VIT: variants seen among roughly 807,000 people sequenced by gnomAD.
VIT encodes vitrin.
In VIT, 99 loss-of-function variants were observed where a neutral mutation model predicts 78.0. That is an observed-to-expected ratio of 1.27 (90% CI 1.08 to 1.50). VIT has a LOEUF of 1.50. VIT is among the 40% of genes most tolerant of loss of function. The probability of loss-of-function intolerance (pLI) is 0.00; values close to 1 mark genes in which losing one functional copy is unlikely to be tolerated. For synonymous variants in VIT, 374 were observed against 334.3 expected, an observed-to-expected ratio of 1.12 and a Z score of -1.29; for missense variants, 1,126 against 875.3, an observed-to-expected ratio of 1.29 and a Z score of -3.61.
chr2:36,735,144 G>C (rs1667437033), intron 3 of VIT, among the ~76,000 whole-genome samples: 1 of 152,008 alleles, frequency 6.6e-6, no homozygotes, highest in Non-Finnish European at 1.5e-5. Context: ...CGGGGCAACA[G>C]AGCGAGACTC....
intron 4 of VIT, among the ~76,000 whole-genome samples, chr2:36,753,767 A>G (rs1352934929): frequency 1.3e-5 from 2 of 152,208 alleles, no homozygotes; most frequent in African/African-American, 4.8e-5. Context: ...AGGGAACTCA[A>G]TCACAGGGAG....
rs781171726 is a variant in VIT at position 36,808,902 on chromosome 2, A to T, written c.1820A>T (p.Asn607Ile). The change falls in exon 15 of 16, where the codon AAC becomes ATC. Residue 607 changes from asparagine (N) to isoleucine (I), a missense_variant. Physicochemically the swap from Asn to Ile is moderately radical, Grantham distance 149 (BLOSUM62 -3). Transcript: ENST00000379242. ...CAGCTCTTCAAGAAGTCCAAGCCCA[A>T]CAAGAGGAAGTTAATGATCCTCATC... is the stretch of plus-strand genomic sequence containing the variant. ...LEQLFKKSKP[N>I]KRKLMILITD... 2.5e-6 allele frequency: 4 copies of T among 1,613,986 alleles called. No individual in the cohort carries two copies. The highest frequency in any genetic ancestry group is 2.5e-6 in the Non-Finnish European group (3 of 1,179,976).
chr2:36,697,325 T>C (rs1420524501), intron 1 of VIT, among the ~76,000 whole-genome samples: 1 of 152,374 alleles, frequency 6.6e-6, no homozygotes, highest in East Asian at 1.9e-4. Flanking sequence ...TTAAAAACTT[T>C]GCTTGGAATA....
intron 1 of VIT, among the ~76,000 whole-genome samples, chr2:36,707,538 C>A (rs1386019943): frequency 6.6e-6 from 1 of 152,184 alleles, no homozygotes; most frequent in Admixed American, 6.5e-5. Context: ...GGAGCAATTG[C>A]CAGCAAGCGG....
At chr2:36,766,343 A>G (rs988415014) in intron 6 of VIT, among the ~76,000 whole-genome samples, 1 of 150,486 alleles carries the variant, frequency 6.6e-6, no homozygotes, top group African/African-American at 2.4e-5. Context: ...AGCCTAGGCA[A>G]CACAGGAAGA....
At position 36,717,039 on chromosome 2, in the gene VIT, G is replaced by A. The variant is rs141266127; in HGVS notation, c.52+617G>A. Among the ~76,000 whole-genome samples, 72 of 151,724 alleles carry A rather than the reference G, an allele frequency of 4.7e-4. 1 individual carries two copies. In the East Asian group the frequency reaches 7.6e-3, roughly 16 times the overall value. ...TTACAGGTGCACGCCACCATGCCTG[G>A]TTAATTTTTGCATTTTTAGTAGAGA... On this transcript the variant is annotated intron_variant, in intron 2 of 15. Transcript: ENST00000379242.
At chr2:36,793,000 G>A (rs1665614756) in intron 12 of VIT, among the ~76,000 whole-genome samples, 1 of 152,156 alleles carries the variant, frequency 6.6e-6, no homozygotes, top group Admixed American at 6.5e-5. Context: ...TAGAAATGCA[G>A]AACCTCAGAC....
chr2:36,699,595 G>C (rs200181951), intron 1 of VIT, among the ~76,000 whole-genome samples: 1 of 56,260 alleles, frequency 1.8e-5, no homozygotes, highest in Non-Finnish European at 4.0e-5. Context: ...TATAGATATA[G>C]ATATAGATAT....
chr2:36,784,495 C>A (rs1664963480), intron 11 of VIT, among the ~76,000 whole-genome samples: 1 of 152,216 alleles, frequency 6.6e-6, no homozygotes, highest in Non-Finnish European at 1.5e-5. Context: ...AAGCACTTTA[C>A]AGAGTGAATC....
chr2:36,711,634 C>T (rs753051200), intron 1 of VIT, among the ~76,000 whole-genome samples: 19 of 152,190 alleles, frequency 1.2e-4, no homozygotes, highest in Non-Finnish European at 7.3e-5. Flanking sequence ...AAACGTGTAT[C>T]GTTGTGCCCA....
At chr2:36,784,764 G>T (rs985147695) in intron 11 of VIT, among the ~76,000 whole-genome samples, 2 of 152,192 alleles carry the variant, frequency 1.3e-5, no homozygotes, top group African/African-American at 4.8e-5. Flanking sequence ...TGCTCACACT[G>T]AACATTGTAT....
At chr2:36,808,122 T>G (rs893924507) in intron 14 of VIT, among the ~76,000 whole-genome samples, 4 of 152,218 alleles carry the variant, frequency 2.6e-5, no homozygotes, top group Non-Finnish European at 5.9e-5. Context: ...TACCCACGAA[T>G]TCCAATCTTA....
intron 12 of VIT, among the ~76,000 whole-genome samples, chr2:36,792,857 C>T (rs1177331025): frequency 6.6e-6 from 1 of 152,088 alleles, no homozygotes; most frequent in Admixed American, 6.6e-5. Flanking sequence ...CTCTAGACTT[C>T]TTATTTATTT....
chr2:36,806,784 C>T (rs1247976443), intron 14 of VIT, among the ~76,000 whole-genome samples: 6 of 152,094 alleles, frequency 3.9e-5, no homozygotes, highest in East Asian at 1.9e-4. Flanking sequence ...AGGATGGTCT[C>T]GATCTCCTGA....
At chr2:36,726,892 G>A (rs916448902) in intron 2 of VIT, among the ~76,000 whole-genome samples, 2 of 151,242 alleles carry the variant, frequency 1.3e-5, no homozygotes, top group Non-Finnish European at 2.9e-5. Flanking sequence ...AAGGAGAAAG[G>A]GGGTGGGGAG....
intron 11 of VIT, 120 bp from the exon 12 acceptor site, chr2:36,787,009 C>T: frequency 7.7e-7 from 1 of 1,292,372 alleles, no homozygotes; most frequent in African/African-American, 1.5e-5. Context: ...ATCTTCCTAC[C>T]TCTTTTTCCC....
At chr2:36,786,584 A>G (rs1665109236) in intron 11 of VIT, among the ~76,000 whole-genome samples, 1 of 152,228 alleles carries the variant, frequency 6.6e-6, no homozygotes, top group African/African-American at 2.4e-5. Flanking sequence ...CATCCTATAC[A>G]TATATGTAGA....
In VIT at chr2:36,814,176, C is replaced by T. The variant is rs1415140025; in HGVS notation, c.1904-7C>T. 6.2e-6 allele frequency: 10 copies of T among 1,610,784 alleles called. No homozygotes were observed. The East Asian group carries it at 2.2e-4, about 36-fold the overall frequency. Reference sequence around the variant, plus strand: ...GACATTTGTTCATCTAACCTTTGTCCCCACAGGAGTGATCACCTATGCGAT... The same window carrying T: ...GACATTTGTTCATCTAACCTTTGTCTCCACAGGAGTGATCACCTATGCGAT... On this transcript the variant is annotated splice_polypyrimidine_tract_variant and splice_region_variant and intron_variant, in intron 15 of 15. Transcript: ENST00000379242.
At chr2:36,743,911 A>G (rs1667983890) in intron 4 of VIT, among the ~76,000 whole-genome samples, 1 of 152,148 alleles carries the variant, frequency 6.6e-6, no homozygotes, top group East Asian at 1.9e-4. Flanking sequence ...CCCATCACCC[A>G]GGAAGTGAGC....
Sources: allele counts gnomAD v4.1 joint callset (sites outside exome capture counted in the v4.1 genomes callset), GRCh38; gene constraint gnomAD v4.1.1; transcripts MANE v1.5; gene names NCBI Gene and HGNC (gene_info 2026-07-23, HGNC 2026-07-21).